Variants in ELMO1 observed in about 807,000 individuals in gnomAD.
ELMO1 encodes engulfment and cell motility protein 1.
ELMO1 carries 26 observed loss-of-function variants against 98.9 expected under a neutral mutation model. The ratio of observed to expected loss-of-function variants is 0.26; its 90% CI spans 0.19 to 0.36. The LOEUF is 0.36. ELMO1 is among the 10% of genes least tolerant of loss of function. ELMO1 has a pLI of 1.00. For missense variants in ELMO1, 627 were observed against 935.2 expected (o/e 0.67, Z 4.30); for synonymous variants, 346 against 346.0 (o/e 1.00, Z 0.00).
intron 1 of ELMO1, among the ~76,000 whole-genome samples, chr7:37,408,442 G>A (rs984275918): frequency 3.3e-5 from 5 of 152,180 alleles, no homozygotes; most frequent in African/African-American, 4.8e-5. Context: ...AATAACCGCA[G>A]AGCAACATTG....
At chr7:36,875,379 CTCTT>C (rs1344849573) in intron 19 of ELMO1, among the ~76,000 whole-genome samples, 4 of 152,188 alleles carry the variant, frequency 2.6e-5, no homozygotes, top group African/African-American at 7.2e-5. Flanking sequence ...CACACACACT[CTCTT>C]TCTCTCTCTC....
chr7:37,345,208 A>G (rs1800937382), intron 1 of ELMO1, among the ~76,000 whole-genome samples: 1 of 152,212 alleles, frequency 6.6e-6, no homozygotes, highest in African/African-American at 2.4e-5. Flanking sequence ...CATTCAACAA[A>G]TAATTATTGA....
intron 17 of ELMO1, among the ~76,000 whole-genome samples, chr7:36,893,195 CCTACGT>C: frequency 6.6e-6 from 1 of 152,188 alleles, no homozygotes; most frequent in African/African-American, 2.4e-5. Flanking sequence ...AATAAAGTGT[CCTACGT>C]TTATACATCT....
intron 1 of ELMO1, among the ~76,000 whole-genome samples, chr7:37,389,033 G>A (rs1433860993): frequency 6.6e-6 from 1 of 152,192 alleles, no homozygotes; most frequent in Admixed American, 6.5e-5. Flanking sequence ...TTTCAATACT[G>A]AAGTGCTTAC....
At chr7:37,371,097 A>AT (rs1351591231) in intron 1 of ELMO1, among the ~76,000 whole-genome samples, 1 of 152,250 alleles carries the variant, frequency 6.6e-6, no homozygotes, top group African/African-American at 2.4e-5. Flanking sequence ...CTACATCTAC[A>AT]TGGGTGAACT....
At chr7:37,301,378 A>G (rs907328737) in intron 4 of ELMO1, among the ~76,000 whole-genome samples, 8 of 152,122 alleles carry the variant, frequency 5.3e-5, no homozygotes, top group African/African-American at 1.9e-4. Flanking sequence ...TCTCCTCTTT[A>G]TCTCCTAATG....
intron 16 of ELMO1, among the ~76,000 whole-genome samples, chr7:36,935,216 C>T (rs1454693637): frequency 1.3e-5 from 2 of 152,136 alleles, no homozygotes; most frequent in African/African-American, 2.4e-5. Context: ...GGGGAAACCC[C>T]TTTTGCTTGG....
At chr7:36,876,285 T>C (rs1468222410) in intron 19 of ELMO1, among the ~76,000 whole-genome samples, 1 of 152,170 alleles carries the variant, frequency 6.6e-6, no homozygotes, top group Non-Finnish European at 1.5e-5. Context: ...CAGAAGGGAC[T>C]GTCTTTTATC....
intron 6 of ELMO1, among the ~76,000 whole-genome samples, chr7:37,249,673 T>C (rs1795230273): frequency 2.0e-5 from 3 of 152,240 alleles, no homozygotes. Context: ...TATTGGGCTA[T>C]TCTTATTTTA....
intron 18 of ELMO1, among the ~76,000 whole-genome samples, chr7:36,880,436 G>A (rs577284360): frequency 1.3e-5 from 2 of 152,316 alleles, no homozygotes; most frequent in African/African-American, 4.8e-5. Flanking sequence ...TTATTGTAGA[G>A]TAAATTGCAC....
rs534105688 is a variant in ELMO1 at position 37,238,522 on chromosome 7, C to T, written c.450-5328G>A. 1.2e-4 allele frequency among the ~76,000 whole-genome samples: 18 copies of T among 152,238 alleles called. No individual in the cohort carries two copies. The East Asian group carries it at 3.3e-3, about 28-fold the overall frequency. On this transcript the variant is annotated intron_variant, in intron 7 of 21. Transcript: ENST00000310758. ...TGAATAGAGGTAGTTTTACATCTTC[C>T]TTTCTTATATTATGCTTTTAGTTTC...
chr7:36,921,042 G>A lies in ELMO1; in HGVS notation c.1438-26025C>T, dbSNP rs575149778. Among the ~76,000 whole-genome samples the A allele has an allele frequency of 6.6e-5, 10 of 152,322 alleles. No homozygotes were observed. In the South Asian group the frequency reaches 8.3e-4, roughly 13 times the overall value. On this transcript the variant is annotated intron_variant, in intron 16 of 21. Transcript: ENST00000310758. ...GAAGTTATAAAAGAGGTCCAAGGGAGCTTATTAGTCCCTTCCACCATGTGA... is the reference window on the plus strand; with the variant it reads ...GAAGTTATAAAAGAGGTCCAAGGGAACTTATTAGTCCCTTCCACCATGTGA...
intron 16 of ELMO1, among the ~76,000 whole-genome samples, chr7:36,989,581 G>C (rs1290844675): frequency 6.6e-6 from 1 of 152,192 alleles, no homozygotes; most frequent in African/African-American, 2.4e-5. Context: ...TTGGAGAATG[G>C]GACAGAGGGT....
chr7:37,354,880 T>A (rs1387245552), intron 1 of ELMO1, among the ~76,000 whole-genome samples: 2 of 152,190 alleles, frequency 1.3e-5, no homozygotes, highest in Non-Finnish European at 2.9e-5. Context: ...GTGAAACTTC[T>A]TTCTTGGGCC....
intron 6 of ELMO1, among the ~76,000 whole-genome samples, chr7:37,256,384 C>A (rs193017003): frequency 1.3e-5 from 2 of 151,786 alleles, no homozygotes; most frequent in Non-Finnish European, 2.9e-5. Flanking sequence ...TACTTGACTG[C>A]GAGTTAAGAT....
intron 13 of ELMO1, among the ~76,000 whole-genome samples, chr7:37,149,678 T>G (rs1199562627): frequency 6.6e-6 from 1 of 152,128 alleles, no homozygotes; most frequent in African/African-American, 2.4e-5. Context: ...CTTAAAAATA[T>G]TTACTACCTG....
chr7:36,943,057 G>A (rs987086446), intron 16 of ELMO1, among the ~76,000 whole-genome samples: 20 of 152,188 alleles, frequency 1.3e-4, no homozygotes, highest in African/African-American at 4.3e-4. Context: ...ACTACCTGCG[G>A]AACCTGGGTC....
chr7:37,146,681 C>A (rs954471035), intron 13 of ELMO1, among the ~76,000 whole-genome samples: 18 of 152,124 alleles, frequency 1.2e-4, no homozygotes, highest in African/African-American at 4.3e-4. Context: ...GGTCCCTCTC[C>A]ATATGTAACA....
At chr7:37,217,431 A>G (rs1162565790) in intron 10 of ELMO1, among the ~76,000 whole-genome samples, 1 of 152,192 alleles carries the variant, frequency 6.6e-6, no homozygotes, top group African/African-American at 2.4e-5. Context: ...TTTAAAGTAA[A>G]AATACTGCTC....
Sources: allele counts gnomAD v4.1 joint callset (sites outside exome capture counted in the v4.1 genomes callset), GRCh38; gene constraint gnomAD v4.1.1; transcripts MANE v1.5; gene names NCBI Gene and HGNC (gene_info 2026-07-23, HGNC 2026-07-21).